SLFNL1: variants seen among roughly 807,000 people sequenced by gnomAD.
SLFNL1 encodes the protein schlafen like 1.
A neutral mutation model predicts 32.5 loss-of-function variants in SLFNL1; 26 were observed. The ratio of observed to expected loss-of-function variants is 0.80; its 90% CI spans 0.59 to 1.11. SLFNL1 has a LOEUF of 1.11. SLFNL1 is among the 50% of genes least tolerant of loss of function. SLFNL1 has a pLI of 0.00. For missense variants in SLFNL1, 553 were observed against 546.5 expected, an observed-to-expected ratio of 1.01 and a Z score of -0.12; for synonymous variants, 255 against 242.2, an observed-to-expected ratio of 1.05 and a Z score of -0.49.
At chr1:41,021,212 A>G (rs185906605) in intron 1 of SLFNL1, 2 of 154,132 alleles carry the variant, frequency 1.3e-5, no homozygotes, top group Non-Finnish European at 2.9e-5. Context: ...ATGTGAGGCC[A>G]TCGGGGGCTC....
Position 41,017,577 on chromosome 1 carries a change from G to T in SLFNL1, c.957+58C>A, listed in dbSNP as rs982344352. On this transcript the variant is annotated intron_variant, in intron 4 of 5. Transcript: ENST00000302946. This position sits in a 1 kb window ranked among gnomAD's most constrained non-coding sequence, Gnocchi z 4.9. ...CTGCCTGGCAGGAGTGCAGGCCATC[G>T]TCTTACTGAGTGATGACAGATGACA... The T allele has an allele frequency of 6.6e-7, 1 of 1,506,474 alleles. No individual in the cohort carries two copies. The allele number at this position is 1,506,474 out of a possible 1,614,324, so 93.3% of individuals were successfully genotyped here. A position where few individuals can be genotyped will look rare whatever the true frequency, so the allele number is the denominator to read the frequency against.
At position 41,017,547 on chromosome 1, in the gene SLFNL1, C is replaced by T. The variant is rs956572234; in HGVS notation, c.957+88G>A. The T allele has an allele frequency of 5.3e-6, 8 of 1,495,374 alleles. No homozygotes were observed. The East Asian group carries it at 1.6e-4, about 30-fold the overall frequency. 92.6% of individuals were successfully genotyped at this position (1,495,374 alleles called of 1,614,324 possible). A position where few individuals can be genotyped will look rare whatever the true frequency, so the allele number is the denominator to read the frequency against. On this transcript the variant is annotated intron_variant, in intron 4 of 5. Coordinates refer to ENST00000302946, the MANE Select transcript of SLFNL1 (RefSeq NM_144990.4). This position sits in a 1 kb window ranked among gnomAD's most constrained non-coding sequence, Gnocchi z 4.9. The stretch of plus-strand genomic sequence containing the variant: ...GTGGCCCCCAGTCCCGTCCCTGCCC[C>T]AGCACTGCCTGGCAGGAGTGCAGGC...
At position 41,020,727 on chromosome 1, in the gene SLFNL1, G is replaced by T. The variant is rs1643771456; in HGVS notation, c.-67C>A. On this transcript the variant is annotated 5_prime_UTR_variant, in exon 3 of 6. Transcript: ENST00000302946. Reference sequence around the variant, plus strand: ...GCTGGCTGCTTCTCCCAGGGTCTGTGTTCTCAGTGTGGCTTAAGGGCTCCC... The same window carrying T: ...GCTGGCTGCTTCTCCCAGGGTCTGTTTTCTCAGTGTGGCTTAAGGGCTCCC... The T allele has an allele frequency of 1.3e-6, 2 of 1,483,708 alleles. No individual in the cohort carries two copies. The highest frequency in any genetic ancestry group is 1.4e-5 in the African/African-American group (1 of 72,258). The allele number at this position is 1,483,708 out of a possible 1,614,324, so 91.9% of individuals were successfully genotyped here.
chr1:41,019,472 G>A (rs1341166830), intron 3 of SLFNL1, among the ~76,000 whole-genome samples: 2 of 152,118 alleles, frequency 1.3e-5, no homozygotes, highest in Non-Finnish European at 2.9e-5. Context: ...TAGCCTTGGT[G>A]ACCTGGCCCC....
chr1:41,020,602 C>T lies in SLFNL1; in HGVS notation c.59G>A (p.Trp20Ter). Residue 20 changes from tryptophan (W) to a stop codon, truncating the protein, a stop_gained, in exon 3 of 6, where the codon TGG becomes TAG. Coordinates refer to ENST00000302946, the MANE Select transcript of SLFNL1 (RefSeq NM_144990.4). LOFTEE classifies it high-confidence loss of function. ...TAGCTCCGGCAGGGACTCCTCACCC[C>T]AGGACTCCATGAAGGGCTCTGACAC... Reference protein sequence around the residue: ...TQVSEPFMESWGEESLPELPA... With the variant: ...TQVSEPFMES 1 of 1,613,432 alleles carries T rather than the reference C, an allele frequency of 6.2e-7. No individual in the cohort carries two copies. Among genetic ancestry groups the T allele is most frequent in the Non-Finnish European group, 8.5e-7 (1 of 1,180,002 alleles).
chr1:41,017,548 A>AG lies in SLFNL1; in HGVS notation c.957+86dup. ...TGGCCCCCAGTCCCGTCCCTGCCCCAGCACTGCCTGGCAGGAGTGCAGGCC... is the reference window on the plus strand; with the variant it reads ...TGGCCCCCAGTCCCGTCCCTGCCCCAGGCACTGCCTGGCAGGAGTGCAGGCC... On this transcript the variant is annotated intron_variant, in intron 4 of 5. Transcript: ENST00000302946. This position sits in a 1 kb window ranked among gnomAD's most constrained non-coding sequence, Gnocchi z 4.9. 2 of 1,492,226 alleles carry AG rather than the reference A, an allele frequency of 1.3e-6. No individual in the cohort carries two copies. The highest frequency in any genetic ancestry group is 1.8e-6 in the Non-Finnish European group (2 of 1,118,442). The allele number at this position is 1,492,226 out of a possible 1,614,324, so 92.4% of individuals were successfully genotyped here.
intron 3 of SLFNL1, chr1:41,018,417 C>G (rs954070809): frequency 7.3e-6 from 3 of 411,780 alleles, no homozygotes; most frequent in Non-Finnish European, 1.3e-5. Flanking sequence ...CTGTGGGATG[C>G]CTGGTGGGGA....
At position 41,017,410 on chromosome 1, in the gene SLFNL1, C is replaced by T. The variant is rs749646478; in HGVS notation, c.958-33G>A. On this transcript the variant is annotated intron_variant, in intron 4 of 5. Transcript: ENST00000302946. The surrounding 1 kb of genome is among the most constrained non-coding windows in gnomAD (Gnocchi z 4.9). ...GGGGCAACAGCAGCTCTGGAGGCGC[C>T]GCCCCTCACGGTCGGCAGCCCCCAT... 20 of 1,598,106 alleles carry T rather than the reference C, an allele frequency of 1.3e-5. No individual in the cohort carries two copies. Among genetic ancestry groups the T allele is most frequent in the Admixed American group, 3.4e-5 (2 of 58,608 alleles).
chr1:41,018,708 G>A (rs1468749299), intron 3 of SLFNL1, among the ~76,000 whole-genome samples: 1 of 152,028 alleles, frequency 6.6e-6, no homozygotes, highest in Non-Finnish European at 1.5e-5. Context: ...TTCATGGTTT[G>A]GGCTCTGCTC....
Position 41,017,142 on chromosome 1 carries a change from C to T in SLFNL1, c.1101+92G>A. ...CGGGGTGATGCAGGACCCAGGGAAC[C>T]ATGGTGGCTTGCCCTGGGCTGCTCA... On this transcript the variant is annotated intron_variant, in intron 5 of 5. Coordinates refer to ENST00000302946, the MANE Select transcript of SLFNL1 (RefSeq NM_144990.4). This position sits in a 1 kb window ranked among gnomAD's most constrained non-coding sequence, Gnocchi z 4.9. The T allele has an allele frequency of 7.0e-7, 1 of 1,422,542 alleles. No homozygotes were observed. The highest frequency in any genetic ancestry group is 9.3e-7 in the Non-Finnish European group (1 of 1,077,764). 88.1% of individuals were successfully genotyped at this position (1,422,542 alleles called of 1,614,324 possible). A position where few individuals can be genotyped will look rare whatever the true frequency, so the allele number is the denominator to read the frequency against.
Position 41,017,927 on chromosome 1 carries a change from G to T in SLFNL1, c.665C>A (p.Thr222Asn), listed in dbSNP as rs1415840854. The stretch of plus-strand genomic sequence containing the variant: ...ACCCCGCTTGAACTCCATATTGCGG[G>T]TCTCGCTGCCCAGGAAGGCACCCTG... ...LFQGAFLGSE[T>N]RNMEFKRGSG... is the part of the protein sequence containing the mutation. The change falls in exon 4 of 6, where the codon ACC (threonine) becomes AAC (asparagine). Residue 222 changes from threonine (T) to asparagine (N), a missense_variant. By Grantham distance (65) the Thr-to-Asn change is moderately conservative. Transcript: ENST00000302946. The surrounding 1 kb of genome is among the most constrained non-coding windows in gnomAD (Gnocchi z 4.9). 2 of 1,612,668 alleles carry T rather than the reference G, an allele frequency of 1.2e-6. No homozygotes were observed. Among genetic ancestry groups the T allele is most frequent in the Non-Finnish European group, 1.7e-6 (2 of 1,179,794 alleles).
chr1:41,017,442 A>G lies in SLFNL1; in HGVS notation c.958-65T>C. The G allele has an allele frequency of 6.4e-7, 1 of 1,574,440 alleles. No individual in the cohort carries two copies. The highest frequency in any genetic ancestry group is 8.6e-7 in the Non-Finnish European group (1 of 1,161,330). ...CACGGTCGGCAGCCCCCATCCTGCC[A>G]GGCTGCTCAGCATTGCTCACTGATT... On this transcript the variant is annotated intron_variant, in intron 4 of 5. Coordinates refer to ENST00000302946, the MANE Select transcript of SLFNL1 (RefSeq NM_144990.4). This position sits in a 1 kb window ranked among gnomAD's most constrained non-coding sequence, Gnocchi z 4.9.
At position 41,017,196 on chromosome 1, in the gene SLFNL1, C is replaced by A; in HGVS notation, c.1101+38G>T. On this transcript the variant is annotated intron_variant, in intron 5 of 5. Coordinates refer to ENST00000302946, the MANE Select transcript of SLFNL1 (RefSeq NM_144990.4). This position sits in a 1 kb window ranked among gnomAD's most constrained non-coding sequence, Gnocchi z 4.9. Reference sequence around the variant, plus strand: ...GGTGGCTGAAGGGGTCTGGGGTCAGCTCCGCTCCACCCCACCCACTGGCCT... The same window carrying A: ...GGTGGCTGAAGGGGTCTGGGGTCAGATCCGCTCCACCCCACCCACTGGCCT... 6.6e-7 allele frequency: 1 copy of A among 1,523,752 alleles called. No homozygotes were observed. Among genetic ancestry groups the A allele is most frequent in the South Asian group, 1.2e-5 (1 of 81,444 alleles). The allele number at this position is 1,523,752 out of a possible 1,614,324, so 94.4% of individuals were successfully genotyped here.
rs201233485 is a variant in SLFNL1, at chr1:41,016,138, C to T, written c.1192G>A (p.Gly398Arg). The T allele has an allele frequency of 4.2e-4, 677 of 1,614,116 alleles. 10 individuals are homozygous for T. The South Asian group carries it at 6.4e-3, about 15-fold the overall frequency. ...ACACAGCAGGTGCAGGACACAGGCC[C>T]GTGCTGCTGCAGCTGCTGCTGGAGC... ...EQLQQQLQQH[G>R]PVSCTCCVL Residue 398 changes from glycine to arginine, a missense_variant, in exon 6 of 6, where the codon GGG (glycine) becomes AGG (arginine). By Grantham distance (125) the Gly-to-Arg change is moderately radical. Transcript: ENST00000302946.
At chr1:41,020,938 C>A in intron 1 of SLFNL1, 68 bp from the exon 2 acceptor site, 2 of 429,428 alleles carry the variant, frequency 4.7e-6, no homozygotes, top group South Asian at 4.1e-5. Flanking sequence ...CGGGATCTGC[C>A]CAAAAAGTGG....
Position 41,017,684 on chromosome 1 carries a change from A to C in SLFNL1, c.908T>G (p.Leu303Arg), listed in dbSNP as rs775596812. Residue 303 changes from leucine to arginine, a missense_variant, in exon 4 of 6, where the codon CTC (leucine) becomes CGC (arginine). Coordinates refer to ENST00000302946, the MANE Select transcript of SLFNL1 (RefSeq NM_144990.4). The surrounding 1 kb of genome is among the most constrained non-coding windows in gnomAD (Gnocchi z 4.9). The stretch of plus-strand genomic sequence containing the variant: ...GGTACTGATCACAGGGATGAAGGTG[A>C]GAGTGTAGGCATCGGGAAAGATCTG... ...KPQIFPDAYT[L>R]TFIPVISTSE... 6.4e-6 allele frequency: 10 copies of C among 1,566,638 alleles called. No homozygotes were observed. In the East Asian group the frequency reaches 2.0e-4, roughly 32 times the overall value.
Position 41,020,527 on chromosome 1 carries a change from G to A in SLFNL1, c.134C>T (p.Ser45Leu), listed in dbSNP as rs142970987. ...TEYSDLEEAP[S>L]AHTLYVGHLN... ...ATGGCCCACATAGAGAGTGTGCGCC[G>A]AGGGAGCCTCCTCGAGGTCAGAGTA... Residue 45 changes from serine to leucine, a missense_variant, in exon 3 of 6, where the codon TCG becomes TTG. Coordinates refer to ENST00000302946, the MANE Select transcript of SLFNL1 (RefSeq NM_144990.4). 4 of 1,613,532 alleles carry A rather than the reference G, an allele frequency of 2.5e-6. No homozygotes were observed. Among genetic ancestry groups the A allele is most frequent in the East Asian group, 2.2e-5 (1 of 44,878 alleles).
chr1:41,018,245 GC>G, intron 3 of SLFNL1, 89 bp from the exon 4 acceptor site: 1 of 1,327,612 alleles, frequency 7.5e-7, no homozygotes, highest in Non-Finnish European at 1.0e-6. Flanking sequence ...CCCCAGTCAG[GC>G]CCCTGCTGCA....
In SLFNL1 at chr1:41,017,836, G is replaced by GT. The variant is rs1337865694; in HGVS notation, c.755dup (p.Asn252LysfsTer26). The GT allele has an allele frequency of 6.3e-7, 1 of 1,599,698 alleles. No homozygotes were observed. Among genetic ancestry groups the GT allele is most frequent in the Non-Finnish European group, 8.6e-7 (1 of 1,169,396 alleles). On this transcript the variant is annotated frameshift_variant, in exon 4 of 6. Coordinates refer to ENST00000302946, the MANE Select transcript of SLFNL1 (RefSeq NM_144990.4). LOFTEE classifies it high-confidence loss of function. The surrounding 1 kb of genome is among the most constrained non-coding windows in gnomAD (Gnocchi z 4.9). ...CCACGAGCAGGCTGCCGCCCTCGCT[G>GT]TTGAGGAAGGCGCACACGTAGCGCC...
Sources: gnomAD v4.1 joint callset for allele counts (sites outside exome capture counted in the v4.1 genomes callset) on GRCh38, gnomAD v4.1.1 for gene constraint, Gnocchi (gnomAD v3.1) non-coding constraint, MANE v1.5 for transcripts, NCBI Gene and HGNC (gene_info 2026-07-23, HGNC 2026-07-21) for gene names.